The following HMCN1 variants were observed in gnomAD, a reference collection of about 807,000 sequenced individuals.
The protein encoded by HMCN1 is hemicentin-1.
Under a neutral mutation model 625.9 loss-of-function variants are expected in HMCN1, and 321 were observed. That is an observed-to-expected ratio of 0.51 (90% CI 0.47 to 0.56). The LOEUF (loss-of-function observed/expected upper bound fraction) is 0.56. Among genes scored for constraint, HMCN1 ranks in the 20% least tolerant of loss-of-function variants. HMCN1 has a pLI of 0.00. For synonymous variants in HMCN1, 2,425 were observed against 2,417.6 expected (o/e 1.00, Z -0.09); for missense variants, 6,588 against 6,887.3 (o/e 0.96, Z 1.54).
chr1:186,043,816 T>C (rs1656368338), intron 40 of HMCN1, among the ~76,000 whole-genome samples: 1 of 152,160 alleles, frequency 6.6e-6, no homozygotes, highest in Non-Finnish European at 1.5e-5. Flanking sequence ...ATGCCTATAA[T>C]CCCAGCACTT....
At chr1:186,137,152 C>G (rs1387102310) in intron 87 of HMCN1, among the ~76,000 whole-genome samples, 1 of 152,184 alleles carries the variant, frequency 6.6e-6, no homozygotes, top group Non-Finnish European at 1.5e-5. Context: ...AAATCCCAAA[C>G]TAGATTTTTG....
intron 11 of HMCN1, among the ~76,000 whole-genome samples, chr1:185,958,158 G>A (rs1216913002): frequency 6.6e-6 from 1 of 152,078 alleles, no homozygotes; most frequent in African/African-American, 2.4e-5. Context: ...TTGGCTGACT[G>A]CAACTTTTGA....
At chr1:186,049,170 C>A (rs1656781065) in intron 42 of HMCN1, among the ~76,000 whole-genome samples, 1 of 151,802 alleles carries the variant, frequency 6.6e-6, no homozygotes, top group African/African-American at 2.4e-5. Context: ...AGAAAATAAG[C>A]CAAAAGGCCA....
chr1:185,784,523 C>T lies in HMCN1; in HGVS notation c.268+49476C>T, dbSNP rs558901239. On this transcript the variant is annotated intron_variant, in intron 1 of 106. Coordinates refer to ENST00000271588, the MANE Select transcript of HMCN1 (RefSeq NM_031935.3). ...CCCCACTTTTCTCTTTTTTTTTTGC[C>T]TTTTTATTGCTGGAAATTAAGTGGG... Among the ~76,000 whole-genome samples, 29 of 151,240 alleles carry T rather than the reference C, an allele frequency of 1.9e-4. No homozygotes were observed. In the East Asian group the frequency reaches 5.4e-3, roughly 28 times the overall value.
chr1:185,929,449 A>G (rs1425180273), intron 10 of HMCN1, among the ~76,000 whole-genome samples: 2 of 152,148 alleles, frequency 1.3e-5, no homozygotes, highest in Non-Finnish European at 2.9e-5. Context: ...AATGATCAGG[A>G]TTAAGCCATT....
chr1:186,023,293 T>G (rs1250434114), intron 36 of HMCN1, 140 bp downstream of exon 36: 49 of 719,532 alleles, frequency 6.8e-5, no homozygotes, highest in Middle Eastern at 7.7e-4. Context: ...CTAGGGTTTT[T>G]TTTTTTTTTT....
chr1:185,983,899 A>G (rs745784444), intron 18 of HMCN1, among the ~76,000 whole-genome samples: 3 of 152,226 alleles, frequency 2.0e-5, no homozygotes, highest in Non-Finnish European at 4.4e-5. Context: ...AACATTAAAC[A>G]AGTGATGTCT....
intron 105 of HMCN1, among the ~76,000 whole-genome samples, chr1:186,184,585 T>C (rs960597636): frequency 4.6e-5 from 7 of 152,336 alleles, no homozygotes; most frequent in South Asian, 2.1e-4. Context: ...AAACATTCTA[T>C]GAGCACTGCA....
chr1:186,105,616 T>A (rs1358463650), intron 69 of HMCN1, among the ~76,000 whole-genome samples: 4 of 152,240 alleles, frequency 2.6e-5, no homozygotes, highest in African/African-American at 9.6e-5. Context: ...CCATAATGCA[T>A]GTCCACCTCT....
intron 1 of HMCN1, among the ~76,000 whole-genome samples, chr1:185,735,339 A>T (rs1180163022): frequency 6.6e-6 from 1 of 152,208 alleles, no homozygotes; most frequent in Admixed American, 6.5e-5. Flanking sequence ...ACGACATCAA[A>T]ATCACTTAAC....
At chr1:185,989,355 T>G in intron 20 of HMCN1, 133 bp from the exon 21 acceptor site, 1 of 1,048,798 alleles carries the variant, frequency 9.5e-7, no homozygotes. Context: ...AAGTTAGCAT[T>G]TTAAAATTTA....
chr1:185,765,570 T>G (rs116576845), intron 1 of HMCN1, among the ~76,000 whole-genome samples: 2,700 of 152,254 alleles, frequency 0.018, 80 homozygotes, highest in African/African-American at 0.062. Context: ...GTTTCACAGA[T>G]TAGGTCACCA....
intron 2 of HMCN1, among the ~76,000 whole-genome samples, chr1:185,856,914 G>A (rs1662503174): frequency 6.6e-6 from 1 of 152,174 alleles, no homozygotes; most frequent in Admixed American, 6.5e-5. Context: ...ATCATTTGAT[G>A]TAGATTTTCC....
chr1:186,177,639 T>G (rs1033453231), intron 103 of HMCN1, among the ~76,000 whole-genome samples: 10 of 152,108 alleles, frequency 6.6e-5, no homozygotes, highest in Non-Finnish European at 1.2e-4. Context: ...AATAAAAATT[T>G]TAAAATAAAC....
At chr1:186,188,039 C>A (rs777598198) in intron 106 of HMCN1, 30 bp downstream of exon 106, 1 of 1,613,374 alleles carries the variant, frequency 6.2e-7, no homozygotes, top group Non-Finnish European at 8.5e-7. Flanking sequence ...CCCAGACATG[C>A]TTTTGAAAAT....
chr1:186,006,436 C>G (rs1571704650), intron 29 of HMCN1, among the ~76,000 whole-genome samples: 1 of 151,996 alleles, frequency 6.6e-6, no homozygotes, highest in African/African-American at 2.4e-5. Flanking sequence ...CTTTAACAAC[C>G]AAATTTTAAA....
chr1:185,991,522 T>C (rs976439198), intron 22 of HMCN1, among the ~76,000 whole-genome samples: 1 of 152,196 alleles, frequency 6.6e-6, no homozygotes, highest in African/African-American at 2.4e-5. Flanking sequence ...TTGTTTTGTG[T>C]GTCTGTTTTC....
chr1:185,844,801 T>TTTTAG (rs764134414), intron 1 of HMCN1, among the ~76,000 whole-genome samples: 13 of 152,184 alleles, frequency 8.5e-5, no homozygotes, highest in Non-Finnish European at 1.6e-4. Context: ...AAATGGCCAC[T>TTTTAG]TTTAGTTTAT....
chr1:186,052,869 AG>A, intron 42 of HMCN1, 82 bp from the exon 43 acceptor site: 17 of 1,167,800 alleles, frequency 1.5e-5, no homozygotes, highest in Non-Finnish European at 2.1e-5. Flanking sequence ...TCATTTGAGT[AG>A]AAGCCTTTTA....
Sources: allele counts gnomAD v4.1 joint callset (sites outside exome capture counted in the v4.1 genomes callset), GRCh38; gene constraint gnomAD v4.1.1; transcripts MANE v1.5; gene names NCBI Gene and HGNC (gene_info 2026-07-23, HGNC 2026-07-21).